Variants in LPAR3 observed in about 807,000 individuals in gnomAD.
LPAR3 encodes lysophosphatidic acid receptor 3.
Under a neutral mutation model 17.8 loss-of-function variants are expected in LPAR3, and 7 were observed. The observed-to-expected ratio is 0.39, with a 90% CI of 0.22 to 0.74. LPAR3 has a LOEUF of 0.74. LPAR3 is among the 30% of genes least tolerant of loss of function. The pLI is 0.40. For synonymous variants in LPAR3, 179 were observed against 179.9 expected (o/e 0.99, Z 0.04); for missense variants, 391 against 453.4 (o/e 0.86, Z 1.25).
chr1:84,871,575 C>A lies in LPAR3; in HGVS notation c.-18-5437G>T, dbSNP rs180849266. Among the ~76,000 whole-genome samples the A allele has an allele frequency of 1.2e-4, 18 of 152,224 alleles. No individual in the cohort carries two copies. The East Asian group carries it at 1.4e-3, about 11-fold the overall frequency. On this transcript the variant is annotated intron_variant, in intron 1 of 2. Transcript: ENST00000370611. The stretch of plus-strand genomic sequence containing the variant: ...CTGTGGTTCACAAATGTAGACCAGT[C>A]CTCTCCTCTTAGGAAACTCTATCCA...
At chr1:84,892,761 C>A (rs897314705) in intron 1 of LPAR3, among the ~76,000 whole-genome samples, 1 of 152,204 alleles carries the variant, frequency 6.6e-6, no homozygotes, top group Non-Finnish European at 1.5e-5. Flanking sequence ...GACGCAACGC[C>A]GATTTTGCAT....
intron 2 of LPAR3, among the ~76,000 whole-genome samples, chr1:84,838,729 C>T (rs1486400024): frequency 6.6e-6 from 1 of 152,188 alleles, no homozygotes; most frequent in Non-Finnish European, 1.5e-5. Context: ...TCTGACAGGA[C>T]TATCTCCTTG....
At chr1:84,850,467 C>T (rs965594101) in intron 2 of LPAR3, among the ~76,000 whole-genome samples, 5 of 149,872 alleles carry the variant, frequency 3.3e-5, no homozygotes, top group Non-Finnish European at 3.0e-5. Context: ...TGCGCCTGTA[C>T]TCCCATCTAC....
intron 2 of LPAR3, among the ~76,000 whole-genome samples, chr1:84,845,246 G>A (rs1176765346): frequency 6.6e-6 from 1 of 152,148 alleles, no homozygotes; most frequent in African/African-American, 2.4e-5. Context: ...TTAATTCCAA[G>A]TGGCCATTAT....
chr1:84,813,158 T>TATATATATATATAGAGAGAGAGAGAG lies in LPAR3; in HGVS notation c.*687_*688insCTCTCTCTCTCTCTATATATATATAT, dbSNP rs1206774677. 8 of 101,672 alleles carry TATATATATATATAGAGAGAGAGAGAG rather than the reference T, an allele frequency of 7.9e-5. No individual in the cohort carries two copies. Among genetic ancestry groups the TATATATATATATAGAGAGAGAGAGAG allele is most frequent in the Admixed American group, 1.8e-4 (2 of 11,044 alleles). 6.3% of individuals were successfully genotyped at this position (101,672 alleles called of 1,614,324 possible). A position where few individuals can be genotyped will look rare whatever the true frequency, so the allele number is the denominator to read the frequency against. ...ATATATATATATATATATATATATATAGACACACACACACACACACACACA... is the reference window on the plus strand; with the variant it reads ...ATATATATATATATATATATATATATATATATATATATAGAGAGAGAGAGAGAGACACACACACACACACACACACA... On this transcript the variant is annotated 3_prime_UTR_variant, in exon 3 of 3. Coordinates refer to ENST00000370611, the MANE Select transcript of LPAR3 (RefSeq NM_012152.3).
Position 84,865,873 on chromosome 1 carries a change from T to A in LPAR3, c.248A>T (p.Tyr83Phe). 6.2e-7 allele frequency: 1 copy of A among 1,613,964 alleles called. No individual in the cohort carries two copies. The highest frequency in any genetic ancestry group is 8.5e-7 in the Non-Finnish European group (1 of 1,180,016). ...GCCTGTGTTAAACATCAGGAATACA[T>A]AGGCAATTCCAGCGAAGAAATCGGC... ...AAADFFAGIA[Y>F]VFLMFNTGPV... The change falls in exon 2 of 3, where the codon TAT becomes TTT. Residue 83 changes from tyrosine to phenylalanine, a missense_variant. Coordinates refer to ENST00000370611, the MANE Select transcript of LPAR3 (RefSeq NM_012152.3).
intron 2 of LPAR3, among the ~76,000 whole-genome samples, chr1:84,848,497 C>T (rs1659635436): frequency 6.6e-6 from 1 of 152,202 alleles, no homozygotes; most frequent in East Asian, 1.9e-4. Flanking sequence ...ATTCTCCAGG[C>T]TCACCCAAAA....
intron 2 of LPAR3, among the ~76,000 whole-genome samples, chr1:84,828,932 G>A (rs1659225817): frequency 6.6e-6 from 1 of 152,010 alleles, no homozygotes. Context: ...CCCCCACCAG[G>A]AGCCAACGTT....
chr1:84,853,708 C>T (rs1279752845), intron 2 of LPAR3, among the ~76,000 whole-genome samples: 1 of 152,186 alleles, frequency 6.6e-6, no homozygotes, highest in African/African-American at 2.4e-5. Context: ...CTCCCATCCC[C>T]AGATCCTGGG....
intron 2 of LPAR3, among the ~76,000 whole-genome samples, chr1:84,833,236 G>GA (rs1404134159): frequency 6.6e-6 from 1 of 151,996 alleles, no homozygotes; most frequent in East Asian, 1.9e-4. Context: ...TGCCCCCTAG[G>GA]AAAAACATTA....
intron 1 of LPAR3, among the ~76,000 whole-genome samples, chr1:84,884,205 G>A (rs933669764): frequency 6.6e-6 from 1 of 152,164 alleles, no homozygotes; most frequent in African/African-American, 2.4e-5. Context: ...TGTGAGGTTC[G>A]GCTCCAGCCA....
chr1:84,846,833 A>G (rs868005572), intron 2 of LPAR3, among the ~76,000 whole-genome samples: 10 of 152,266 alleles, frequency 6.6e-5, no homozygotes, highest in Middle Eastern at 3.4e-3. Flanking sequence ...AAAAAATTGT[A>G]AAGTCTTTTT....
intron 2 of LPAR3, among the ~76,000 whole-genome samples, chr1:84,844,044 T>A (rs1659554106): frequency 6.6e-6 from 1 of 152,272 alleles, no homozygotes; most frequent in Non-Finnish European, 1.5e-5. Context: ...TATTTGTTGA[T>A]GGATCACCTG....
intron 1 of LPAR3, among the ~76,000 whole-genome samples, chr1:84,888,622 G>T (rs192896563): frequency 1.4e-4 from 22 of 152,306 alleles, no homozygotes; most frequent in Admixed American, 8.5e-4. Context: ...CTTAAAAGGG[G>T]AGACCAGGGG....
intron 1 of LPAR3, among the ~76,000 whole-genome samples, chr1:84,892,031 G>C (rs1660560868): frequency 6.6e-6 from 1 of 151,962 alleles, no homozygotes; most frequent in Non-Finnish European, 1.5e-5. Context: ...GGCCAACACA[G>C]TGGAACCCCG....
At chr1:84,862,281 C>G (rs1049081388) in intron 2 of LPAR3, among the ~76,000 whole-genome samples, 3 of 152,164 alleles carry the variant, frequency 2.0e-5, no homozygotes, top group African/African-American at 7.2e-5. Context: ...TTGTTCTTGT[C>G]CATTTTCTTA....
chr1:84,890,124 T>C (rs974636518), intron 1 of LPAR3, among the ~76,000 whole-genome samples: 1 of 151,966 alleles, frequency 6.6e-6, no homozygotes, highest in Admixed American at 6.6e-5. Context: ...CAGGACTGAG[T>C]TCCAGGTGAC....
At chr1:84,839,680 C>CGTAAA (rs1659473105) in intron 2 of LPAR3, among the ~76,000 whole-genome samples, 1 of 98,818 alleles carries the variant, frequency 1.0e-5, no homozygotes, top group Non-Finnish European at 2.1e-5. Context: ...TAAATAAATA[C>CGTAAA]GTAAAATAAA....
At chr1:84,888,462 A>G (rs920104572) in intron 1 of LPAR3, among the ~76,000 whole-genome samples, 1 of 152,164 alleles carries the variant, frequency 6.6e-6, no homozygotes, top group African/African-American at 2.4e-5. Flanking sequence ...GTCACTGCCA[A>G]TGGCTTTGAG....
Sources: gnomAD v4.1 joint callset for allele counts (sites outside exome capture counted in the v4.1 genomes callset) on GRCh38, gnomAD v4.1.1 for gene constraint, MANE v1.5 for transcripts, NCBI Gene and HGNC (gene_info 2026-07-23, HGNC 2026-07-21) for gene names.